The following CTNNA3 variants were observed in gnomAD, a reference collection of about 807,000 sequenced individuals.
The protein encoded by CTNNA3 is catenin alpha 3, also known as catenin alpha-3.
In CTNNA3, 76 loss-of-function variants were observed where a neutral mutation model predicts 95.7. The observed-to-expected ratio is 0.79, with a 90% CI of 0.66 to 0.96. The LOEUF is 0.96. Ranked by LOEUF, CTNNA3 falls within the 40% of genes least tolerant of loss-of-function variation. CTNNA3 has a pLI of 0.00. For missense variants in CTNNA3, 1,191 were observed against 1,089.8 expected, an observed-to-expected ratio of 1.09 and a Z score of -1.31; for synonymous variants, 431 against 374.4, an observed-to-expected ratio of 1.15 and a Z score of -1.74.
intron 11 of CTNNA3, among the ~76,000 whole-genome samples, chr10:66,508,013 A>AT (rs200331412): frequency 7.4e-4 from 113 of 151,716 alleles, no homozygotes; most frequent in Non-Finnish European, 8.2e-4. Flanking sequence ...CCTTGTTAGC[A>AT]TTTTTTTTAA....
At chr10:66,370,113 A>G (rs2092743190) in intron 12 of CTNNA3, among the ~76,000 whole-genome samples, 1 of 152,162 alleles carries the variant, frequency 6.6e-6, no homozygotes, top group Non-Finnish European at 1.5e-5. Context: ...ACTAGAGGAA[A>G]GAAAATCTAA....
chr10:66,280,375 A>T, intron 13 of CTNNA3, 95 bp downstream of exon 13: 1 of 1,091,662 alleles, frequency 9.2e-7, no homozygotes, highest in Non-Finnish European at 1.3e-6. Context: ...CATTGACATT[A>T]CAGCATAGAA....
intron 10 of CTNNA3, among the ~76,000 whole-genome samples, chr10:66,540,524 C>T (rs1841812378): frequency 6.6e-6 from 1 of 152,050 alleles, no homozygotes; most frequent in Non-Finnish European, 1.5e-5. Flanking sequence ...AAGCTCTTAG[C>T]CTGGATGTCC....
At chr10:66,660,204 T>C (rs1846215013) in intron 9 of CTNNA3, among the ~76,000 whole-genome samples, 1 of 152,138 alleles carries the variant, frequency 6.6e-6, no homozygotes, top group African/African-American at 2.4e-5. Flanking sequence ...CTCATACAAC[T>C]GGTGACTGCT....
intron 4 of CTNNA3, among the ~76,000 whole-genome samples, chr10:67,531,896 C>T (rs954848894): frequency 1.3e-5 from 2 of 152,080 alleles, no homozygotes; most frequent in Admixed American, 6.5e-5. Flanking sequence ...GTGGAAGAGT[C>T]TCAGGAGATC....
chr10:66,360,768 CTTTTCT>C (rs2092660068), intron 12 of CTNNA3, among the ~76,000 whole-genome samples: 1 of 62,540 alleles, frequency 1.6e-5, no homozygotes. Flanking sequence ...TCCTTCCTTC[CTTTTCT>C]TTCTTTCTTT....
At chr10:66,348,247 T>C (rs774277336) in intron 12 of CTNNA3, among the ~76,000 whole-genome samples, 5 of 152,120 alleles carry the variant, frequency 3.3e-5, no homozygotes, top group Non-Finnish European at 5.9e-5. Flanking sequence ...TTAGTCTATA[T>C]ATTTTTATCA....
intron 7 of CTNNA3, among the ~76,000 whole-genome samples, chr10:66,983,641 C>A (rs1850570651): frequency 6.6e-6 from 1 of 152,074 alleles, no homozygotes; most frequent in South Asian, 2.1e-4. Flanking sequence ...GCCACTCAAC[C>A]CCTGGCCCAA....
At chr10:67,521,295 C>T (rs988737040) in intron 5 of CTNNA3, among the ~76,000 whole-genome samples, 3 of 152,020 alleles carry the variant, frequency 2.0e-5, no homozygotes, top group East Asian at 3.8e-4. Flanking sequence ...TATCTAGGGG[C>T]CTACAAAAGG....
At chr10:66,592,043 T>C (rs1843569339) in intron 10 of CTNNA3, among the ~76,000 whole-genome samples, 1 of 151,762 alleles carries the variant, frequency 6.6e-6, no homozygotes, top group South Asian at 2.1e-4. Context: ...ATGTAGACTT[T>C]ATAGTTATTG....
chr10:66,003,738 TG>T (rs1320548150), intron 15 of CTNNA3, among the ~76,000 whole-genome samples: 11 of 152,224 alleles, frequency 7.2e-5, no homozygotes, highest in Non-Finnish European at 1.5e-4. Context: ...TGTGTGATTT[TG>T]TACTGAAAAC....
chr10:66,064,438 A>T (rs901906836), intron 15 of CTNNA3, among the ~76,000 whole-genome samples: 2 of 152,006 alleles, frequency 1.3e-5, no homozygotes, highest in Non-Finnish European at 2.9e-5. Context: ...TCTTTTTTGC[A>T]TCTTAATTTC....
At chr10:66,314,458 T>C (rs575317532) in intron 12 of CTNNA3, among the ~76,000 whole-genome samples, 42 of 151,176 alleles carry the variant, frequency 2.8e-4, no homozygotes, top group African/African-American at 9.9e-4. Context: ...TGACCATCAG[T>C]TCCTAATTAT....
At chr10:67,008,316 A>G (rs1437121112) in intron 7 of CTNNA3, among the ~76,000 whole-genome samples, 2 of 152,130 alleles carry the variant, frequency 1.3e-5, no homozygotes, top group African/African-American at 2.4e-5. Flanking sequence ...TTATTCAATA[A>G]CCATAGTGCT....
chr10:67,596,929 T>C (rs1842948597), intron 3 of CTNNA3, among the ~76,000 whole-genome samples: 1 of 152,246 alleles, frequency 6.6e-6, no homozygotes, highest in Admixed American at 6.5e-5. Flanking sequence ...TCTCTTTACA[T>C]AATCCCATAT....
At chr10:67,696,535 G>A (rs1442643031), upstream of CTNNA3, among the ~76,000 whole-genome samples, 2 of 152,156 alleles carry the variant, frequency 1.3e-5, no homozygotes, top group South Asian at 2.1e-4. Context: ...AAGGCCATGT[G>A]TCACATCTGA....
At chr10:67,376,053 C>A (rs1199229330) in intron 5 of CTNNA3, among the ~76,000 whole-genome samples, 1 of 152,144 alleles carries the variant, frequency 6.6e-6, no homozygotes, top group Non-Finnish European at 1.5e-5. Flanking sequence ...TCACCAGCTG[C>A]CAAATATACC....
intron 1 of CTNNA3, among the ~76,000 whole-genome samples, chr10:67,751,871 T>C (rs906593693): frequency 1.3e-5 from 2 of 150,908 alleles, no homozygotes; most frequent in Admixed American, 1.3e-4. Context: ...CCAGATAGAT[T>C]TACAGCCAAT....
intron 5 of CTNNA3, among the ~76,000 whole-genome samples, chr10:67,272,387 AC>A (rs1231967210): frequency 6.6e-6 from 1 of 151,978 alleles, no homozygotes; most frequent in Non-Finnish European, 1.5e-5. Flanking sequence ...CCTTGTCTCT[AC>A]AAAAAAATAC....
Sources: gnomAD v4.1 joint callset for allele counts (sites outside exome capture counted in the v4.1 genomes callset) on GRCh38, gnomAD v4.1.1 for gene constraint, MANE v1.5 for transcripts, NCBI Gene and HGNC (gene_info 2026-07-23, HGNC 2026-07-21) for gene names.